Variants in DLG2 observed in about 807,000 individuals in gnomAD.
DLG2 encodes disks large homolog 2.
DLG2 carries 45 observed loss-of-function variants against 132.5 expected under a neutral mutation model. The observed-to-expected ratio is 0.34, with a 90% CI of 0.27 to 0.44. The LOEUF (loss-of-function observed/expected upper bound fraction) is 0.44. Ranked by LOEUF, DLG2 falls within the 20% of genes least tolerant of loss-of-function variation. The pLI is 1.00. For synonymous variants in DLG2, 424 were observed against 419.6 expected, an observed-to-expected ratio of 1.01 and a Z score of -0.13; for missense variants, 1,045 against 1,196.9, an observed-to-expected ratio of 0.87 and a Z score of 1.87.
intron 6 of DLG2, among the ~76,000 whole-genome samples, chr11:84,653,801 T>C (rs1201028183): frequency 6.6e-6 from 1 of 152,196 alleles, no homozygotes; most frequent in Non-Finnish European, 1.5e-5. Context: ...CTCTTGGCTC[T>C]TTCATGCAAT....
chr11:84,000,140 A>G (rs2094267871), intron 11 of DLG2, among the ~76,000 whole-genome samples: 1 of 152,120 alleles, frequency 6.6e-6, no homozygotes, highest in Non-Finnish European at 1.5e-5. Flanking sequence ...ACAATTCAGG[A>G]TATGAATGAC....
rs547790594 is a variant in DLG2, at chr11:84,922,980, A to G, written c.357+188681T>C. ...CCTGTAATAATCTGCCTGCTCAGCCAGCAATCCGAAAAGTCCTGAAGCTAC... is the reference window on the plus strand; with the variant it reads ...CCTGTAATAATCTGCCTGCTCAGCCGGCAATCCGAAAAGTCCTGAAGCTAC... On this transcript the variant is annotated intron_variant, in intron 6 of 27. Transcript: ENST00000376104. The G allele has an allele frequency of 3.4e-5, 50 of 1,481,658 alleles. No homozygotes were observed. In the African/African-American group the frequency reaches 6.4e-4, roughly 19 times the overall value. 91.8% of individuals were successfully genotyped at this position (1,481,658 alleles called of 1,614,324 possible).
At chr11:84,137,957 T>A (rs1487589072) in intron 9 of DLG2, among the ~76,000 whole-genome samples, 1 of 152,208 alleles carries the variant, frequency 6.6e-6, no homozygotes, top group Non-Finnish European at 1.5e-5. Flanking sequence ...ATCCCCTTGT[T>A]AGCTGTTCAA....
chr11:83,808,155 G>T (rs531208797), intron 17 of DLG2, among the ~76,000 whole-genome samples: 2 of 152,226 alleles, frequency 1.3e-5, no homozygotes, highest in East Asian at 3.9e-4. Context: ...TGTAGTCTTG[G>T]TGTCTACAGG....
chr11:84,067,804 TAAAAATA>T (rs1256103060), intron 10 of DLG2, among the ~76,000 whole-genome samples: 1 of 152,262 alleles, frequency 6.6e-6, no homozygotes, highest in East Asian at 1.9e-4. Context: ...ATTAGTTTAT[TAAAAATA>T]AAAAATAAAA....
intron 19 of DLG2, among the ~76,000 whole-genome samples, chr11:83,599,408 A>T (rs1425566020): frequency 6.6e-6 from 1 of 152,072 alleles, no homozygotes; most frequent in Non-Finnish European, 1.5e-5. Context: ...CTGATTGGAA[A>T]ACTGTTACGT....
chr11:83,758,914 T>G (rs2093772292), intron 18 of DLG2, among the ~76,000 whole-genome samples: 1 of 152,156 alleles, frequency 6.6e-6, no homozygotes, highest in African/African-American at 2.4e-5. Context: ...GAACTTTTGA[T>G]GAAGCAGAAA....
chr11:84,816,173 C>T (rs1270144679), intron 6 of DLG2, among the ~76,000 whole-genome samples: 1 of 151,966 alleles, frequency 6.6e-6, no homozygotes, highest in Non-Finnish European at 1.5e-5. Flanking sequence ...TTTTCTGCCA[C>T]CTGAAGCAAA....
chr11:84,720,326 G>A, intron 6 of DLG2: 2 of 985,482 alleles, frequency 2.0e-6, no homozygotes, highest in Non-Finnish European at 2.4e-6. Context: ...ATAAAGTGTT[G>A]TTGGTGCAAG....
At chr11:83,488,907 A>G (rs2093680421) in intron 21 of DLG2, among the ~76,000 whole-genome samples, 1 of 152,096 alleles carries the variant, frequency 6.6e-6, no homozygotes, top group Non-Finnish European at 1.5e-5. Context: ...AAGAACAAGT[A>G]ATAATGTAAC....
chr11:85,625,025 T>C (rs910252171), intron 2 of DLG2: 4 of 152,172 alleles, frequency 2.6e-5, no homozygotes, highest in African/African-American at 4.8e-5. Flanking sequence ...AAACATTAAG[T>C]TCTAAACTTT....
chr11:84,128,833 A>G (rs2094295880), intron 9 of DLG2, among the ~76,000 whole-genome samples: 1 of 152,162 alleles, frequency 6.6e-6, no homozygotes, highest in African/African-American at 2.4e-5. Context: ...ATTTAAGTTG[A>G]AAAAACGTGT....
At chr11:85,535,860 T>C (rs899655378) in intron 3 of DLG2, among the ~76,000 whole-genome samples, 2 of 152,216 alleles carry the variant, frequency 1.3e-5, no homozygotes, top group African/African-American at 2.4e-5. Context: ...GAAAACATTA[T>C]GTTGGTGAAA....
intron 6 of DLG2, among the ~76,000 whole-genome samples, chr11:84,581,401 C>G (rs1471526458): frequency 6.6e-6 from 1 of 152,082 alleles, no homozygotes; most frequent in Non-Finnish European, 1.5e-5. Context: ...ATTCCTCCAG[C>G]ATTACGACTA....
At chr11:85,132,752 C>T in intron 5 of DLG2, 1 of 456,732 alleles carries the variant, frequency 2.2e-6, no homozygotes, top group South Asian at 1.5e-5. Context: ...AATAACAGCC[C>T]TGTTTCCTAT....
intron 11 of DLG2, among the ~76,000 whole-genome samples, chr11:83,984,652 G>A (rs1291703124): frequency 5.3e-5 from 8 of 151,872 alleles, no homozygotes; most frequent in Admixed American, 4.6e-4. Context: ...TGCTGCTATC[G>A]AGCACGGCCA....
At chr11:84,799,025 G>A (rs2075040103) in intron 6 of DLG2, among the ~76,000 whole-genome samples, 1 of 152,142 alleles carries the variant, frequency 6.6e-6, no homozygotes, top group South Asian at 2.1e-4. Context: ...TGCACTGCCT[G>A]GAGGCGAGGA....
rs1255170486 is a variant in DLG2, at chr11:85,497,985, G to A, written c.40+100672C>T. 2.0e-5 allele frequency among the ~76,000 whole-genome samples: 3 copies of A among 152,142 alleles called. 1 individual carries two copies. Among genetic ancestry groups the A allele is most frequent in the Admixed American group, 2.0e-4 (3 of 15,256 alleles). On this transcript the variant is annotated intron_variant, in intron 3 of 27. Transcript: ENST00000376104. ...AGCCACTGCAAAAGCATGCCAAATT[G>A]TAAAGACCATCGATGCTATGAAGAA...
intron 6 of DLG2, among the ~76,000 whole-genome samples, chr11:84,672,451 C>A (rs575801555): frequency 6.6e-6 from 1 of 152,142 alleles, no homozygotes; most frequent in African/African-American, 2.4e-5. Context: ...AGTCTAGAAA[C>A]CTAACATATT....
Sources: gnomAD v4.1 joint callset for allele counts (sites outside exome capture counted in the v4.1 genomes callset) on GRCh38, gnomAD v4.1.1 for gene constraint, MANE v1.5 for transcripts, NCBI Gene and HGNC (gene_info 2026-07-23, HGNC 2026-07-21) for gene names.